The following HELZ variants were observed in gnomAD, a reference collection of about 807,000 sequenced individuals.
The protein encoded by HELZ is helicase with zinc finger.
Under a neutral mutation model 218.2 loss-of-function variants are expected in HELZ, and 23 were observed. The observed-to-expected ratio is 0.11, with a 90% CI of 0.08 to 0.15. The LOEUF is 0.15. Ranked by LOEUF, HELZ falls within the 10% of genes least tolerant of loss-of-function variation. HELZ has a pLI of 1.00. For synonymous variants in HELZ, 814 were observed against 829.4 expected (o/e 0.98, Z 0.32); for missense variants, 1,813 against 2,353.7 (o/e 0.77, Z 4.75).
At chr17:67,087,605 T>G (rs1171839852) in intron 31 of HELZ, among the ~76,000 whole-genome samples, 4 of 152,216 alleles carry the variant, frequency 2.6e-5, no homozygotes, top group Admixed American at 2.6e-4. Context: ...TGGCAAGATG[T>G]GATTCCTCCT....
At chr17:67,202,634 T>C (rs563940057) in intron 6 of HELZ, among the ~76,000 whole-genome samples, 4 of 152,232 alleles carry the variant, frequency 2.6e-5, no homozygotes, top group Non-Finnish European at 4.4e-5. Flanking sequence ...TTAGTTTAGA[T>C]AGATTTAAAC....
Position 67,161,037 on chromosome 17 carries a change from T to C in HELZ, c.1935A>G (p.Lys645=). 1 of 1,612,494 alleles carries C rather than the reference T, an allele frequency of 6.2e-7. No individual in the cohort carries two copies. The highest frequency in any genetic ancestry group is 8.5e-7 in the Non-Finnish European group (1 of 1,179,256). The change falls in exon 16 of 33, where the codon AAA becomes AAG. Residue 645 remains lysine (K), a synonymous_variant. Transcript: ENST00000358691. ...TAATGGCCAGAACAGCCTCTTTCTG[T>C]TTTGCATTTAGTCGAGGATCCAACT... The part of the protein sequence containing the change: ...DEQLDPRLNA[K]QKEAVLAITT...
rs1337759198 is a variant in HELZ, at chr17:67,108,925, T to C, written c.4489+191A>G. On this transcript the variant is annotated intron_variant, in intron 29 of 32. Coordinates refer to ENST00000358691, the MANE Select transcript of HELZ (RefSeq NM_014877.4). This position sits in a 1 kb window ranked among gnomAD's most constrained non-coding sequence, Gnocchi z 4.1. ...TGACAACTCTTCCTCACTTACATAA[T>C]GATGATCCTGACATCCACTGGATAC... Among the ~76,000 whole-genome samples, 2 of 152,176 alleles carry C rather than the reference T, an allele frequency of 1.3e-5. No homozygotes were observed. The highest frequency in any genetic ancestry group is 2.9e-5 in the Non-Finnish European group (2 of 68,030).
chr17:67,120,044 C>G (rs1403234497), intron 27 of HELZ: 1 of 310,914 alleles, frequency 3.2e-6, no homozygotes, highest in African/African-American at 2.7e-5. Context: ...CACTCTATCG[C>G]CCAGGCTGGA....
chr17:67,242,769 G>A (rs955204041), intron 2 of HELZ, among the ~76,000 whole-genome samples: 4 of 149,606 alleles, frequency 2.7e-5, no homozygotes, highest in Admixed American at 1.3e-4. Flanking sequence ...AAGAATCTTG[G>A]TTTATGTCCA....
chr17:67,098,209 A>G (rs976255802), intron 31 of HELZ, among the ~76,000 whole-genome samples: 2 of 152,218 alleles, frequency 1.3e-5, no homozygotes, highest in Non-Finnish European at 2.9e-5. Flanking sequence ...AGAGATCTGA[A>G]GAGCAGTGTG....
chr17:67,101,906 T>C (rs1051740105), intron 31 of HELZ, among the ~76,000 whole-genome samples: 5 of 152,216 alleles, frequency 3.3e-5, no homozygotes, highest in South Asian at 2.1e-4. Context: ...TATCAATCTA[T>C]TGGCAATTGG....
At chr17:67,082,677 C>A (rs2036230813) in intron 32 of HELZ, among the ~76,000 whole-genome samples, 1 of 152,014 alleles carries the variant, frequency 6.6e-6, no homozygotes, top group Admixed American at 6.6e-5. Context: ...CAATGGCTTT[C>A]AAGAACAATT....
chr17:67,099,855 G>A (rs764608103), intron 31 of HELZ, among the ~76,000 whole-genome samples: 2 of 151,816 alleles, frequency 1.3e-5, no homozygotes, highest in Non-Finnish European at 2.9e-5. Flanking sequence ...TCTCATTAAC[G>A]ATGGTGCCAG....
intron 24 of HELZ, among the ~76,000 whole-genome samples, chr17:67,124,634 C>T (rs970530482): frequency 1.3e-5 from 2 of 152,100 alleles, no homozygotes; most frequent in African/African-American, 2.4e-5. Flanking sequence ...AATGTACATA[C>T]GTTAACCCAG....
At chr17:67,183,840 G>C (rs1007588206) in intron 12 of HELZ, among the ~76,000 whole-genome samples, 1 of 150,758 alleles carries the variant, frequency 6.6e-6, no homozygotes, top group Non-Finnish European at 1.5e-5. Flanking sequence ...TTCTGAACCC[G>C]AATCTCCCCA....
chr17:67,125,286 CTATATATATATATATA>C (rs57513241), intron 24 of HELZ, among the ~76,000 whole-genome samples: 113 of 70,114 alleles, frequency 1.6e-3, no homozygotes, highest in African/African-American at 2.1e-3. Flanking sequence ...TTGGCACCAA[CTATATATATATATATA>C]TATATATATA....
chr17:67,090,048 T>A (rs1481038915), intron 31 of HELZ, among the ~76,000 whole-genome samples: 1 of 152,078 alleles, frequency 6.6e-6, no homozygotes, highest in African/African-American at 2.4e-5. Context: ...TGCAGAATTG[T>A]TATAGATGCC....
At chr17:67,151,595 C>T (rs1041416259) in intron 17 of HELZ, among the ~76,000 whole-genome samples, 5 of 152,102 alleles carry the variant, frequency 3.3e-5, no homozygotes, top group African/African-American at 1.2e-4. Context: ...AACGTTCTTA[C>T]AAAAATACAT....
intron 3 of HELZ, among the ~76,000 whole-genome samples, chr17:67,219,740 T>G (rs2040695286): frequency 1.3e-5 from 2 of 152,102 alleles, no homozygotes. Context: ...CTATCAAACA[T>G]AAGTCCTACC....
At chr17:67,182,185 T>C (rs1210973182) in intron 12 of HELZ, among the ~76,000 whole-genome samples, 1 of 152,186 alleles carries the variant, frequency 6.6e-6, no homozygotes, top group Non-Finnish European at 1.5e-5. Flanking sequence ...CTCATGCCTG[T>C]AATCCCAGCA....
intron 27 of HELZ, among the ~76,000 whole-genome samples, chr17:67,117,552 CT>C (rs35601947): frequency 1.7e-3 from 244 of 142,878 alleles, no homozygotes; most frequent in Non-Finnish European, 1.9e-3. Flanking sequence ...ATACTGAAAA[CT>C]TTTTTTTTTT....
chr17:67,245,075 G>A, intron 1 of HELZ, 73 bp downstream of exon 1: 1 of 984,570 alleles, frequency 1.0e-6, no homozygotes. Context: ...GGGGAGTCGG[G>A]TCCCCTCCCC....
chr17:67,163,321 T>C (rs780416799), intron 15 of HELZ, among the ~76,000 whole-genome samples: 6 of 152,240 alleles, frequency 3.9e-5, no homozygotes, highest in Admixed American at 2.6e-4. Flanking sequence ...ATGAGACAGA[T>C]ATCATGATAA....
Sources: allele counts gnomAD v4.1 joint callset (sites outside exome capture counted in the v4.1 genomes callset), GRCh38; gene constraint gnomAD v4.1.1; non-coding constraint Gnocchi (gnomAD v3.1); transcripts MANE v1.5; gene names NCBI Gene and HGNC (gene_info 2026-07-23, HGNC 2026-07-21).